Variants in RAP1GDS1 observed in about 807,000 individuals in gnomAD.
RAP1GDS1 encodes Rap1 GTPase-GDP dissociation stimulator 1.
RAP1GDS1 carries 35 observed loss-of-function variants against 71.1 expected under a neutral mutation model. The observed-to-expected ratio is 0.49, with a 90% confidence interval of 0.38 to 0.65. RAP1GDS1 has a LOEUF of 0.65. Among genes scored for constraint, RAP1GDS1 ranks in the 30% least tolerant of loss-of-function variants. The pLI is 0.00. For synonymous variants in RAP1GDS1, 229 were observed against 243.1 expected (o/e 0.94, Z 0.54); for missense variants, 663 against 706.1 (o/e 0.94, Z 0.69).
chr4:98,347,693 C>T (rs548160467), intron 3 of RAP1GDS1, among the ~76,000 whole-genome samples: 1 of 152,262 alleles, frequency 6.6e-6, no homozygotes, highest in South Asian at 2.1e-4. Context: ...CCCCTTTCCC[C>T]GAACCAAAAT....
At chr4:98,281,005 T>G (rs1166985531) in intron 1 of RAP1GDS1, among the ~76,000 whole-genome samples, 1 of 152,262 alleles carries the variant, frequency 6.6e-6, no homozygotes, top group African/African-American at 2.4e-5. Context: ...CTGTTTTGGT[T>G]ACTGTAGCCT....
At chr4:98,393,207 G>T (rs1318392793) in intron 6 of RAP1GDS1, among the ~76,000 whole-genome samples, 1 of 152,032 alleles carries the variant, frequency 6.6e-6, no homozygotes, top group East Asian at 1.9e-4. Context: ...TTTTCTAACT[G>T]AAAGCTCATC....
intron 5 of RAP1GDS1, among the ~76,000 whole-genome samples, chr4:98,388,961 A>G (rs1040244947): frequency 5.0e-5 from 7 of 140,280 alleles, no homozygotes; most frequent in Admixed American, 4.1e-4. Flanking sequence ...TAACATTTTT[A>G]TGAAAAATAT....
intron 6 of RAP1GDS1, among the ~76,000 whole-genome samples, chr4:98,402,659 C>G (rs1438263772): frequency 1.3e-5 from 2 of 152,146 alleles, no homozygotes; most frequent in Non-Finnish European, 2.9e-5. Context: ...TAATGTGTGT[C>G]TCTCCTGTTA....
intron 4 of RAP1GDS1, among the ~76,000 whole-genome samples, chr4:98,357,151 G>A (rs1183601128): frequency 6.6e-6 from 1 of 151,780 alleles, no homozygotes; most frequent in African/African-American, 2.4e-5. Context: ...ATATTCAAAA[G>A]GGAACTATTT....
intron 2 of RAP1GDS1, among the ~76,000 whole-genome samples, chr4:98,322,987 G>C (rs1732218957): frequency 6.7e-6 from 1 of 149,822 alleles, no homozygotes; most frequent in Non-Finnish European, 1.5e-5. Flanking sequence ...CCAGGAGCTG[G>C]TTTTTTGAAA....
At chr4:98,316,973 A>G (rs899185129) in intron 2 of RAP1GDS1, among the ~76,000 whole-genome samples, 1 of 152,190 alleles carries the variant, frequency 6.6e-6, no homozygotes, top group African/African-American at 2.4e-5. Flanking sequence ...GCTGTCGTGC[A>G]GTTAATCTTT....
At chr4:98,273,306 A>C (rs545564826) in intron 1 of RAP1GDS1, among the ~76,000 whole-genome samples, 1 of 152,298 alleles carries the variant, frequency 6.6e-6, no homozygotes, top group South Asian at 2.1e-4. Flanking sequence ...TTTATTTAAG[A>C]ATGTATTCGA....
At chr4:98,430,723 G>C (rs919792330) in intron 12 of RAP1GDS1, among the ~76,000 whole-genome samples, 2 of 152,144 alleles carry the variant, frequency 1.3e-5, no homozygotes, top group Admixed American at 1.3e-4. Context: ...TCTAGAATAA[G>C]TTTTTAAAAT....
chr4:98,312,025 C>T (rs987976164), intron 2 of RAP1GDS1, among the ~76,000 whole-genome samples: 2 of 152,044 alleles, frequency 1.3e-5, no homozygotes, highest in Admixed American at 6.6e-5. Flanking sequence ...ATCAGAGTGA[C>T]AGGAGGAAGA....
At chr4:98,438,157 T>G (rs1030720696) in intron 14 of RAP1GDS1, among the ~76,000 whole-genome samples, 1 of 152,080 alleles carries the variant, frequency 6.6e-6, no homozygotes, top group African/African-American at 2.4e-5. Context: ...GACCCTTTTA[T>G]CATTATATAG....
chr4:98,330,231 A>G (rs1484094366), intron 2 of RAP1GDS1, among the ~76,000 whole-genome samples: 2 of 152,230 alleles, frequency 1.3e-5, no homozygotes, highest in African/African-American at 4.8e-5. Context: ...TTCTACACAG[A>G]CACAGTAACA....
At chr4:98,294,250 C>G (rs1259420941) in intron 2 of RAP1GDS1, among the ~76,000 whole-genome samples, 1 of 151,884 alleles carries the variant, frequency 6.6e-6, no homozygotes, top group Non-Finnish European at 1.5e-5. Flanking sequence ...TTTAATTATG[C>G]TCTTGTCCTA....
At chr4:98,289,708 A>T (rs1043362278) in intron 1 of RAP1GDS1, among the ~76,000 whole-genome samples, 2 of 152,156 alleles carry the variant, frequency 1.3e-5, no homozygotes, top group African/African-American at 4.8e-5. Flanking sequence ...TTTTAAAAAT[A>T]GCTTCATTCT....
chr4:98,357,968 A>G (rs1392069315), intron 4 of RAP1GDS1, among the ~76,000 whole-genome samples: 1 of 152,036 alleles, frequency 6.6e-6, no homozygotes. Context: ...TTCCATAAAG[A>G]TATAAAAGCC....
chr4:98,404,843 C>G (rs1164991844), intron 7 of RAP1GDS1, among the ~76,000 whole-genome samples: 1 of 152,146 alleles, frequency 6.6e-6, no homozygotes, highest in Non-Finnish European at 1.5e-5. Flanking sequence ...GTAGCTAACA[C>G]ATTCTTGTGC....
intron 6 of RAP1GDS1, among the ~76,000 whole-genome samples, chr4:98,399,439 G>A (rs908064119): frequency 3.9e-5 from 6 of 152,074 alleles, no homozygotes; most frequent in African/African-American, 1.2e-4. Context: ...GACTACAGGC[G>A]TGCACCATCA....
At chr4:98,320,651 G>A (rs1197691482) in intron 2 of RAP1GDS1, among the ~76,000 whole-genome samples, 1 of 151,324 alleles carries the variant, frequency 6.6e-6, no homozygotes, top group Non-Finnish European at 1.5e-5. Flanking sequence ...GCACCCCCCA[G>A]CAGGGGCACA....
intron 3 of RAP1GDS1, among the ~76,000 whole-genome samples, chr4:98,349,857 G>C (rs1426615866): frequency 6.6e-6 from 1 of 151,172 alleles, no homozygotes; most frequent in African/African-American, 2.4e-5. Flanking sequence ...TAATATATCT[G>C]CCTGAAGCAT....
Sources: allele counts gnomAD v4.1 joint callset (sites outside exome capture counted in the v4.1 genomes callset), GRCh38; gene constraint gnomAD v4.1.1; transcripts MANE v1.5; gene names NCBI Gene and HGNC (gene_info 2026-07-23, HGNC 2026-07-21).